Variants in PDE4D observed in about 807,000 individuals in gnomAD.
PDE4D encodes 3',5'-cyclic-AMP phosphodiesterase 4D.
PDE4D carries 24 observed loss-of-function variants against 87.4 expected under a neutral mutation model. That is an observed-to-expected ratio of 0.27 (90% CI 0.20 to 0.39). The LOEUF is 0.39. Ranked by LOEUF, PDE4D falls within the 10% of genes least tolerant of loss-of-function variation. PDE4D has a pLI of 1.00. For synonymous variants in PDE4D, 384 were observed against 383.2 expected, an observed-to-expected ratio of 1.00 and a Z score of -0.02; for missense variants, 714 against 1,041.0, an observed-to-expected ratio of 0.69 and a Z score of 4.32.
intron 5 of PDE4D, among the ~76,000 whole-genome samples, chr5:59,127,363 C>T (rs965466597): frequency 6.6e-6 from 1 of 152,266 alleles, no homozygotes; most frequent in African/African-American, 2.4e-5. Flanking sequence ...ACCTGGGTGG[C>T]ACAGTTTGTT....
At chr5:60,279,183 A>C (rs980234210) in intron 1 of PDE4D, among the ~76,000 whole-genome samples, 5 of 151,958 alleles carry the variant, frequency 3.3e-5, no homozygotes, top group African/African-American at 4.8e-5. Context: ...AGGAGTTCCA[A>C]CTCCCAGTTG....
At chr5:59,675,870 T>C (rs1747983087) in intron 1 of PDE4D, among the ~76,000 whole-genome samples, 1 of 151,994 alleles carries the variant, frequency 6.6e-6, no homozygotes, top group Non-Finnish European at 1.5e-5. Flanking sequence ...TTTTGTATTT[T>C]CAGTAGAGAC....
chr5:59,365,530 T>A (rs1467667052), intron 1 of PDE4D, among the ~76,000 whole-genome samples: 1 of 152,056 alleles, frequency 6.6e-6, no homozygotes, highest in Non-Finnish European at 1.5e-5. Context: ...TAAAAACATA[T>A]CAAATGAGTT....
intron 1 of PDE4D, among the ~76,000 whole-genome samples, chr5:59,228,824 C>T (rs1213690856): frequency 6.6e-6 from 1 of 152,138 alleles, no homozygotes; most frequent in African/African-American, 2.4e-5. Flanking sequence ...CTCTGCTCAG[C>T]CTCTTGGTCC....
intron 1 of PDE4D, among the ~76,000 whole-genome samples, chr5:60,474,994 T>G (rs1291112811): frequency 1.3e-5 from 2 of 152,202 alleles, no homozygotes; most frequent in Non-Finnish European, 2.9e-5. Context: ...ACTTTACCTT[T>G]TTTTAAGAAA....
Position 59,008,277 on chromosome 5 carries a change from A to C in PDE4D, c.922-14812T>G, listed in dbSNP as rs889439202. ...ACTTAAATTGGCCTAAATGAATACCATAATCATCATAAAATAGTTACTAAT... is the reference window on the plus strand; with the variant it reads ...ACTTAAATTGGCCTAAATGAATACCCTAATCATCATAAAATAGTTACTAAT... On this transcript the variant is annotated intron_variant, in intron 6 of 14. Transcript: ENST00000340635. Among the ~76,000 whole-genome samples the C allele has an allele frequency of 5.5e-4, 83 of 152,064 alleles. 1 individual carries two copies. The highest frequency in any genetic ancestry group is 1.9e-4 in the Non-Finnish European group (13 of 67,892).
chr5:59,184,210 C>T (rs1359093696), intron 4 of PDE4D, among the ~76,000 whole-genome samples: 8 of 152,184 alleles, frequency 5.3e-5, no homozygotes, highest in Non-Finnish European at 1.0e-4. Context: ...CCTGGAAAAA[C>T]AGAACCTAAT....
At chr5:59,913,545 A>C (rs973882600) in intron 3 of PDE4D, among the ~76,000 whole-genome samples, 11 of 152,188 alleles carry the variant, frequency 7.2e-5, no homozygotes, top group African/African-American at 2.4e-4. Flanking sequence ...CCAAAACTTT[A>C]ATTAGAAGAG....
chr5:59,179,680 ATAACT>A (rs1029839030), intron 5 of PDE4D: 3 of 459,122 alleles, frequency 6.5e-6, no homozygotes, highest in East Asian at 6.7e-5. Context: ...GTACTCACTA[ATAACT>A]TAATAAGAGC....
At chr5:59,788,964 A>C (rs1765479755) in intron 1 of PDE4D, among the ~76,000 whole-genome samples, 2 of 152,204 alleles carry the variant, frequency 1.3e-5, no homozygotes, top group African/African-American at 4.8e-5. Flanking sequence ...ATCCAAAATA[A>C]ACACAATGTA....
At chr5:60,457,804 A>G (rs1458702771) in intron 1 of PDE4D, among the ~76,000 whole-genome samples, 1 of 152,174 alleles carries the variant, frequency 6.6e-6, no homozygotes, top group Non-Finnish European at 1.5e-5. Context: ...GCAAATGCCA[A>G]ATCAAATCCC....
At chr5:59,082,517 T>A (rs919811179) in intron 5 of PDE4D, among the ~76,000 whole-genome samples, 1 of 152,126 alleles carries the variant, frequency 6.6e-6, no homozygotes, top group Non-Finnish European at 1.5e-5. Context: ...TTATAAAGCA[T>A]GTATCCACAA....
chr5:59,101,833 T>C (rs1205845394), intron 5 of PDE4D, among the ~76,000 whole-genome samples: 1 of 152,028 alleles, frequency 6.6e-6, no homozygotes, highest in Non-Finnish European at 1.5e-5. Context: ...AATAATAAGA[T>C]ATTTCAATTA....
intron 2 of PDE4D, among the ~76,000 whole-genome samples, chr5:60,069,049 T>C (rs1772429620): frequency 6.6e-6 from 1 of 152,186 alleles, no homozygotes; most frequent in Non-Finnish European, 1.5e-5. Context: ...AGCATCCAGT[T>C]TCATTCCTTA....
intron 1 of PDE4D, among the ~76,000 whole-genome samples, chr5:60,430,535 G>T (rs1053103129): frequency 2.0e-4 from 25 of 128,114 alleles, no homozygotes; most frequent in African/African-American, 6.6e-4. Context: ...TTTGTGTTTT[G>T]TTTTTTTTTG....
chr5:60,281,866 G>A (rs1751938571), intron 1 of PDE4D, among the ~76,000 whole-genome samples: 1 of 151,956 alleles, frequency 6.6e-6, no homozygotes, highest in Middle Eastern at 3.4e-3. Context: ...GCAAAACCCT[G>A]TCTCTACAAA....
At chr5:59,242,033 G>T (rs537060799) in intron 1 of PDE4D, among the ~76,000 whole-genome samples, 27 of 152,022 alleles carry the variant, frequency 1.8e-4, no homozygotes, top group Non-Finnish European at 3.8e-4. Context: ...CTCACACCAG[G>T]TATAGGAAAG....
In PDE4D at chr5:59,305,486, G is replaced by A. The variant is rs376195458; in HGVS notation, c.456-89518C>T. 1.1e-4 allele frequency among the ~76,000 whole-genome samples: 16 copies of A among 151,952 alleles called. No individual in the cohort carries two copies. In the East Asian group the frequency reaches 1.9e-3, roughly 18 times the overall value. The stretch of plus-strand genomic sequence containing the variant: ...TCTTGTTTCTAGATCCCTGAGGTGT[G>A]ACTGTAGATTGTCTTTTTTGCTCTT... On this transcript the variant is annotated intron_variant, in intron 1 of 14. Transcript: ENST00000340635.
At chr5:59,401,561 T>C (rs545471759) in intron 1 of PDE4D, among the ~76,000 whole-genome samples, 5 of 152,084 alleles carry the variant, frequency 3.3e-5, no homozygotes, top group Middle Eastern at 3.4e-3. Context: ...TGGCGTGCAA[T>C]TGAGAGATGA....
Sources: allele counts gnomAD v4.1 joint callset (sites outside exome capture counted in the v4.1 genomes callset), GRCh38; gene constraint gnomAD v4.1.1; transcripts MANE v1.5; gene names NCBI Gene and HGNC (gene_info 2026-07-23, HGNC 2026-07-21).